The following MFF variants were observed in gnomAD, a reference collection of about 807,000 sequenced individuals.
The protein encoded by MFF is chromosome 2 open reading frame 33.
Under a neutral mutation model 36.9 loss-of-function variants are expected in MFF, and 12 were observed. The ratio of observed to expected loss-of-function variants is 0.33; its 90% CI spans 0.21 to 0.53. MFF has a LOEUF of 0.53. Ranked by LOEUF, MFF falls within the 20% of genes least tolerant of loss-of-function variation. The pLI is 0.95. For synonymous variants in MFF, 99 were observed against 126.2 expected (o/e 0.78, Z 1.44); for missense variants, 348 against 366.6 (o/e 0.95, Z 0.42).
In MFF at chr2:227,340,195, T is replaced by C. The variant is rs1574941815; in HGVS notation, c.352-97T>C. 1.3e-5 allele frequency: 13 copies of C among 967,578 alleles called. No individual in the cohort carries two copies. The East Asian group carries it at 3.3e-4, about 24-fold the overall frequency. The allele number at this position is 967,578 out of a possible 1,614,324, so 59.9% of individuals were successfully genotyped here. On this transcript the variant is annotated intron_variant, in intron 4 of 8. Transcript: ENST00000304593. Reference sequence around the variant, plus strand: ...GCCTTTTCTTAGTTCGTTGTAAGTTTTTTGAGTAGCCTTGTATCGAGGTTC... The same window carrying C: ...GCCTTTTCTTAGTTCGTTGTAAGTTCTTTGAGTAGCCTTGTATCGAGGTTC...
chr2:227,331,959 AT>A (rs10549336), intron 3 of MFF, among the ~76,000 whole-genome samples: 1,170 of 76,640 alleles, frequency 0.015, 218 homozygotes, highest in African/African-American at 0.02. Flanking sequence ...CGCTGGAAGC[AT>A]TTTTTTTTTT....
chr2:227,341,260 A>C (rs1011724338), intron 5 of MFF, among the ~76,000 whole-genome samples: 1 of 150,258 alleles, frequency 6.7e-6, no homozygotes, highest in Non-Finnish European at 1.5e-5. Context: ...TGTTGGGGTT[A>C]GGGTCATTGA....
intron 6 of MFF, among the ~76,000 whole-genome samples, chr2:227,350,975 GTAT>G (rs2075967101): frequency 6.6e-6 from 1 of 152,120 alleles, no homozygotes; most frequent in South Asian, 2.1e-4. Context: ...AAAGGTAACT[GTAT>G]TATTTTCTGG....
intron 2 of MFF, chr2:227,329,770 A>G: frequency 6.3e-7 from 1 of 1,582,124 alleles, no homozygotes; most frequent in East Asian, 2.2e-5. Flanking sequence ...AAGCAGTGAC[A>G]CATCACTAGG....
intron 5 of MFF, among the ~76,000 whole-genome samples, chr2:227,344,193 C>G (rs184386248): frequency 1.4e-4 from 22 of 152,280 alleles, no homozygotes; most frequent in African/African-American, 5.3e-4. Flanking sequence ...TCAAAATTTT[C>G]TAATCTTTTC....
Position 227,330,813 on chromosome 2 carries a change from A to T in MFF, c.148A>T (p.Ile50Leu), listed in dbSNP as rs2074516880. 1 of 1,614,230 alleles carries T rather than the reference A, an allele frequency of 6.2e-7. No homozygotes were observed. Among genetic ancestry groups the T allele is most frequent in the Admixed American group, 1.7e-5 (1 of 60,026 alleles). The change falls in exon 3 of 9, where the codon ATA becomes TTA. Residue 50 changes from isoleucine (I) to leucine (L), a missense_variant. Physicochemically the swap from Ile to Leu is conservative, Grantham distance 5. Coordinates refer to ENST00000304593, the MANE Select transcript of MFF (RefSeq NM_001277062.2). Reference protein sequence around the residue: ...FQEGVPNASVIMQVPERIVVA... With the variant: ...FQEGVPNASVLMQVPERIVVA... ...AGAAGGAGTTCCAAATGCTAGTGTG[A>T]TAATGCAAGTTCCGGAGAGGATTGT...
rs967792043 is a variant in MFF at position 227,332,602 on chromosome 2, T to C, written c.351+14T>C. 4.5e-6 allele frequency: 7 copies of C among 1,557,010 alleles called. No homozygotes were observed. The African/African-American group carries it at 8.9e-5, about 20-fold the overall frequency. ...CAAAATGAAGAAGTAAGTAGAACTTTAGTATCACCGGAATTTGAAATAATG... is the reference window on the plus strand; with the variant it reads ...CAAAATGAAGAAGTAAGTAGAACTTCAGTATCACCGGAATTTGAAATAATG... On this transcript the variant is annotated intron_variant, in intron 4 of 8. Coordinates refer to ENST00000304593, the MANE Select transcript of MFF (RefSeq NM_001277062.2).
chr2:227,345,685 T>G (rs2075671710), intron 5 of MFF, among the ~76,000 whole-genome samples: 1 of 152,124 alleles, frequency 6.6e-6, no homozygotes, highest in Non-Finnish European at 1.5e-5. Flanking sequence ...TTTTTTTTAT[T>G]TGTTTGTTTG....
At chr2:227,338,535 A>G (rs534058004) in intron 4 of MFF, among the ~76,000 whole-genome samples, 2 of 152,140 alleles carry the variant, frequency 1.3e-5, no homozygotes, top group South Asian at 2.1e-4. Context: ...TTAATTTTTT[A>G]AAAACCATAA....
intron 5 of MFF, among the ~76,000 whole-genome samples, chr2:227,342,443 T>C (rs2075447445): frequency 6.6e-6 from 1 of 152,204 alleles, no homozygotes; most frequent in Admixed American, 6.5e-5. Flanking sequence ...AAAATAATTA[T>C]TAAACTCTTA....
At chr2:227,355,621 C>T (rs1243996931) in intron 7 of MFF, 56 bp from the exon 8 acceptor site, 4 of 929,358 alleles carry the variant, frequency 4.3e-6, no homozygotes, top group Non-Finnish European at 6.8e-6. Context: ...TGTGGCGTGC[C>T]ATTTACTCTG....
At chr2:227,341,344 A>G (rs901051291) in intron 5 of MFF, among the ~76,000 whole-genome samples, 1 of 151,602 alleles carries the variant, frequency 6.6e-6, no homozygotes, top group Non-Finnish European at 1.5e-5. Flanking sequence ...TAATTTCTAT[A>G]TAAATTATTT....
intron 2 of MFF, chr2:227,329,031 A>G (rs567293642): frequency 2.0e-5 from 3 of 152,402 alleles, no homozygotes; most frequent in African/African-American, 7.2e-5. Context: ...AGTTTAGGAA[A>G]TACCTTAGCC....
At chr2:227,343,610 T>A (rs901749132) in intron 5 of MFF, among the ~76,000 whole-genome samples, 1 of 152,186 alleles carries the variant, frequency 6.6e-6, no homozygotes, top group Non-Finnish European at 1.5e-5. Context: ...TTTTACCCTA[T>A]TTTTTGGAAG....
intron 4 of MFF, among the ~76,000 whole-genome samples, chr2:227,337,293 G>A (rs575079606): frequency 2.6e-5 from 4 of 152,320 alleles, no homozygotes; most frequent in Admixed American, 2.6e-4. Flanking sequence ...CATGATTCGT[G>A]ATTTTAAATT....
chr2:227,340,599 T>C (rs1250226546), intron 5 of MFF: 2 of 452,046 alleles, frequency 4.4e-6, no homozygotes, highest in African/African-American at 3.9e-5. Flanking sequence ...TATGATTTGC[T>C]AATTAAGTTG....
chr2:227,350,600 G>A (rs1010002385), intron 6 of MFF, among the ~76,000 whole-genome samples: 11 of 152,152 alleles, frequency 7.2e-5, no homozygotes, highest in Admixed American at 3.3e-4. Context: ...TGGATACAGC[G>A]TTTGTTATTT....
At chr2:227,341,140 A>G (rs5009798) in intron 5 of MFF, among the ~76,000 whole-genome samples, 150,885 of 152,262 alleles carry the variant, frequency 0.99, 74,767 homozygotes, top group East Asian at 1. Context: ...GAAGCAAAGC[A>G]TTTAATTTTA....
chr2:227,336,214 GT>G (rs1306260745), intron 4 of MFF, among the ~76,000 whole-genome samples: 1 of 152,134 alleles, frequency 6.6e-6, no homozygotes, highest in Non-Finnish European at 1.5e-5. Context: ...GGACTCTGCC[GT>G]TAAATCCTAT....
Sources: allele counts gnomAD v4.1 joint callset (sites outside exome capture counted in the v4.1 genomes callset), GRCh38; gene constraint gnomAD v4.1.1; transcripts MANE v1.5; gene names NCBI Gene and HGNC (gene_info 2026-07-23, HGNC 2026-07-21).